ERBB4: variants seen among roughly 807,000 people sequenced by gnomAD.
The protein encoded by ERBB4 is erb-b2 receptor tyrosine kinase 4.
Under a neutral mutation model 158.0 loss-of-function variants are expected in ERBB4, and 42 were observed. The ratio of observed to expected loss-of-function variants is 0.27; its 90% CI spans 0.21 to 0.34. ERBB4 has a LOEUF of 0.34. ERBB4 is among the 10% of genes least tolerant of loss of function. The pLI is 1.00. For synonymous variants in ERBB4, 583 were observed against 558.7 expected, an observed-to-expected ratio of 1.04 and a Z score of -0.61; for missense variants, 1,333 against 1,624.1, an observed-to-expected ratio of 0.82 and a Z score of 3.08.
chr2:211,985,353 T>C (rs972082687), intron 2 of ERBB4, among the ~76,000 whole-genome samples: 15 of 152,322 alleles, frequency 9.8e-5, no homozygotes, highest in Middle Eastern at 3.4e-3. Flanking sequence ...TTACTCTTAA[T>C]TTACTATCGA....
At chr2:212,403,755 G>A (rs965792611) in intron 1 of ERBB4, among the ~76,000 whole-genome samples, 6 of 151,950 alleles carry the variant, frequency 3.9e-5, no homozygotes, top group African/African-American at 9.7e-5. Context: ...GTTGCTAATC[G>A]ACAGGTACAA....
At chr2:212,514,848 G>A (rs1444194367) in intron 1 of ERBB4, among the ~76,000 whole-genome samples, 2 of 152,134 alleles carry the variant, frequency 1.3e-5, no homozygotes, top group African/African-American at 2.4e-5. Flanking sequence ...GAAGTAAACT[G>A]ATGCAAAAGG....
chr2:211,903,706 T>A (rs555290681), intron 3 of ERBB4, among the ~76,000 whole-genome samples: 18 of 152,044 alleles, frequency 1.2e-4, no homozygotes, highest in African/African-American at 4.3e-4. Flanking sequence ...TTTAACTTGT[T>A]GCCTAAACAA....
intron 1 of ERBB4, among the ~76,000 whole-genome samples, chr2:212,158,433 A>G (rs924434016): frequency 2.0e-5 from 3 of 151,928 alleles, no homozygotes; most frequent in Non-Finnish European, 4.4e-5. Context: ...TGAAGTGCAC[A>G]TATTACTTCC....
chr2:211,839,862 A>C (rs2105996919), intron 3 of ERBB4, among the ~76,000 whole-genome samples: 1 of 152,280 alleles, frequency 6.6e-6, no homozygotes, highest in African/African-American at 2.4e-5. Flanking sequence ...GGTTAAAAAA[A>C]CAAAATGTTA....
intron 3 of ERBB4, among the ~76,000 whole-genome samples, chr2:211,903,683 T>C (rs976450455): frequency 6.6e-6 from 1 of 151,994 alleles, no homozygotes; most frequent in Non-Finnish European, 1.5e-5. Context: ...TTTAATCCCT[T>C]TGTGGGCATG....
At chr2:211,572,168 T>A (rs191438988) in intron 19 of ERBB4, among the ~76,000 whole-genome samples, 288 of 152,330 alleles carry the variant, frequency 1.9e-3, no homozygotes, top group African/African-American at 6.5e-3. Flanking sequence ...CCGCTTTTTT[T>A]AATTAACATA....
intron 4 of ERBB4, among the ~76,000 whole-genome samples, chr2:211,752,986 A>G (rs1300797767): frequency 1.3e-5 from 2 of 152,170 alleles, no homozygotes; most frequent in Non-Finnish European, 2.9e-5. Flanking sequence ...AGCCAAGACT[A>G]CCCTTATTTA....
intron 2 of ERBB4, among the ~76,000 whole-genome samples, chr2:211,967,575 T>C (rs1462342332): frequency 6.6e-6 from 1 of 151,930 alleles, no homozygotes; most frequent in Non-Finnish European, 1.5e-5. Context: ...ATGACTTTAA[T>C]AAAAATCCAA....
chr2:211,709,270 T>TAC (rs1291220209), intron 9 of ERBB4, among the ~76,000 whole-genome samples: 2 of 143,970 alleles, frequency 1.4e-5, no homozygotes, highest in African/African-American at 5.3e-5. Flanking sequence ...TATATATATA[T>TAC]ATATACATAC....
rs780091275 is a variant in ERBB4 at position 212,519,852 on chromosome 2, G to C, written c.82+18597C>G. The stretch of plus-strand genomic sequence containing the variant: ...AGGAATAAAGTTCTAGTGTTCTGTA[G>C]CAATGCAGAGTAAATATGTTTAGTA... On this transcript the variant is annotated intron_variant, in intron 1 of 27. Transcript: ENST00000342788. 3.3e-5 allele frequency among the ~76,000 whole-genome samples: 5 copies of C among 151,844 alleles called. No homozygotes were observed. In the East Asian group the frequency reaches 7.7e-4, roughly 23 times the overall value.
In ERBB4 at chr2:211,653,479, C is replaced by G. The variant is rs938644428; in HGVS notation, c.1946+4275G>C. On this transcript the variant is annotated intron_variant, in intron 16 of 27. Transcript: ENST00000342788. The stretch of plus-strand genomic sequence containing the variant: ...CTTCCCCCCCGCCCCCCGCACCCGC[C>G]CCCCCCCACGCCCGCCCCGCTGGTT... 1.6e-4 allele frequency among the ~76,000 whole-genome samples: 23 copies of G among 147,262 alleles called. No homozygotes were observed. The Middle Eastern group carries it at 0.011, about 68-fold the overall frequency.
chr2:212,012,567 G>A (rs1311422872), intron 2 of ERBB4, among the ~76,000 whole-genome samples: 5 of 151,434 alleles, frequency 3.3e-5, no homozygotes, highest in East Asian at 2.0e-4. Flanking sequence ...GGCGCTTGCC[G>A]CCATGTCCAG....
chr2:211,819,273 A>T (rs1032291728), intron 3 of ERBB4, among the ~76,000 whole-genome samples: 1 of 152,100 alleles, frequency 6.6e-6, no homozygotes, highest in Non-Finnish European at 1.5e-5. Flanking sequence ...GATATAAAAA[A>T]ATGAAATGAC....
chr2:211,713,718 A>G lies in ERBB4; in HGVS notation c.884-70T>C, dbSNP rs987386738. 7 of 906,014 alleles carry G rather than the reference A, an allele frequency of 7.7e-6. No individual in the cohort carries two copies. The African/African-American group carries it at 9.9e-5, about 13-fold the overall frequency. 56.1% of individuals were successfully genotyped at this position (906,014 alleles called of 1,614,324 possible). A position where few individuals can be genotyped will look rare whatever the true frequency, so the allele number is the denominator to read the frequency against. ...ATTCAGCAAACAAGCTCAAAACAAG[A>G]TATTTTAGGGTTTAAAAATGATTAG... is the stretch of plus-strand genomic sequence containing the variant. On this transcript the variant is annotated intron_variant, in intron 7 of 27. Transcript: ENST00000342788.
At chr2:212,211,829 T>A (rs2082945860) in intron 1 of ERBB4, among the ~76,000 whole-genome samples, 1 of 152,016 alleles carries the variant, frequency 6.6e-6, no homozygotes, top group Non-Finnish European at 1.5e-5. Flanking sequence ...GGGTTTCTGT[T>A]CCTGTGTTAG....
chr2:211,839,360 T>C (rs2077420332), intron 3 of ERBB4, among the ~76,000 whole-genome samples: 1 of 98,778 alleles, frequency 1.0e-5, no homozygotes, highest in Admixed American at 1.1e-4. Context: ...ATATACAAGA[T>C]ATAATAAAAA....
At chr2:211,392,364 G>T (rs2062814886) in intron 25 of ERBB4, among the ~76,000 whole-genome samples, 1 of 152,090 alleles carries the variant, frequency 6.6e-6, no homozygotes, top group African/African-American at 2.4e-5. Flanking sequence ...GAAACAAACA[G>T]AATGTGTCCA....
chr2:212,523,910 G>A (rs1260604845), intron 1 of ERBB4, among the ~76,000 whole-genome samples: 1 of 151,920 alleles, frequency 6.6e-6, no homozygotes, highest in Non-Finnish European at 1.5e-5. Flanking sequence ...GTTAGCTCCA[G>A]GAGAAACTCC....
Sources: allele counts gnomAD v4.1 joint callset (sites outside exome capture counted in the v4.1 genomes callset), GRCh38; gene constraint gnomAD v4.1.1; transcripts MANE v1.5; gene names NCBI Gene and HGNC (gene_info 2026-07-23, HGNC 2026-07-21).